The following ID2 variants were observed in gnomAD, a reference collection of about 807,000 sequenced individuals.
ID2 encodes the protein inhibitor of DNA binding 2.
ID2 carries 2 observed loss-of-function variants against 8.3 expected under a neutral mutation model. The observed-to-expected ratio is 0.24, with a 90% confidence interval of 0.10 to 0.76. The LOEUF (loss-of-function observed/expected upper bound fraction) is 0.76, where lower values mean the gene tolerates loss of function less well. Among genes scored for constraint, ID2 ranks in the 30% least tolerant of loss-of-function variants. The pLI, the probability that ID2 is intolerant of heterozygous loss-of-function variation, is 0.73. For missense variants in ID2, 155 were observed against 167.0 expected, an observed-to-expected ratio of 0.93 and a Z score of 0.40; for synonymous variants, 112 against 72.3, an observed-to-expected ratio of 1.55 and a Z score of -2.79.
At chr2:8,683,001 T>C in intron 2 of ID2, 95 bp downstream of exon 2, 1 of 932,002 alleles carries the variant, frequency 1.1e-6, no homozygotes, top group Non-Finnish European at 1.8e-6. Context: ...ATAAAATGTC[T>C]GATTTGGTAA....
At position 8,682,159 on chromosome 2, in the gene ID2, G is replaced by A. The variant is rs914634313; in HGVS notation, c.-7G>A. The stretch of plus-strand genomic sequence containing the variant: ...CCCTCCCGGTCTCGCCTTCCCTCGC[G>A]GTCAGCATGAAAGCCTTCAGTCCCG... On this transcript the variant is annotated 5_prime_UTR_variant, in exon 1 of 3. Transcript: ENST00000396290. 7 of 1,609,024 alleles carry A rather than the reference G, an allele frequency of 4.4e-6. No individual in the cohort carries two copies. Among genetic ancestry groups the A allele is most frequent in the Non-Finnish European group, 5.9e-6 (7 of 1,177,072 alleles).
In ID2 at chr2:8,682,074, TGCCAAGCGCA is replaced by T; in HGVS notation, c.-89_-80del. On this transcript the variant is annotated 5_prime_UTR_variant, in exon 1 of 3. Coordinates refer to ENST00000396290, the MANE Select transcript of ID2 (RefSeq NM_002166.5). ...GGGCTTCATTCTGAGCCGAGCCCGGTGCCAAGCGCAGCTAGCTCAGCAGGCGGCAGCGGCG... is the reference window on the plus strand; with the variant it reads ...GGGCTTCATTCTGAGCCGAGCCCGGTGCTAGCTCAGCAGGCGGCAGCGGCG... 3 of 1,014,888 alleles carry T rather than the reference TGCCAAGCGCA, an allele frequency of 3.0e-6. No homozygotes were observed. The highest frequency in any genetic ancestry group is 4.4e-6 in the Non-Finnish European group (3 of 680,880). The allele number at this position is 1,014,888 out of a possible 1,614,324, so 62.9% of individuals were successfully genotyped here.
rs376944573 is a variant in ID2 at position 8,682,160 on chromosome 2, G to A, written c.-6G>A. 38 of 1,609,576 alleles carry A rather than the reference G, an allele frequency of 2.4e-5. No homozygotes were observed. Among genetic ancestry groups the A allele is most frequent in the Non-Finnish European group, 3.1e-5 (37 of 1,177,540 alleles). ...CCTCCCGGTCTCGCCTTCCCTCGCG[G>A]TCAGCATGAAAGCCTTCAGTCCCGT... On this transcript the variant is annotated 5_prime_UTR_variant, in exon 1 of 3. Transcript: ENST00000396290.
In ID2 at chr2:8,682,828, C is replaced by T. The variant is rs374872738; in HGVS notation, c.349-15C>T. On this transcript the variant is annotated splice_polypyrimidine_tract_variant and intron_variant, in intron 1 of 2. Coordinates refer to ENST00000396290, the MANE Select transcript of ID2 (RefSeq NM_002166.5). ...ATTGTCTTAACCTCGTACTCTTTAT[C>T]CTCTTTCTTTCCAGGCTTCTGAATT... The T allele has an allele frequency of 1.1e-4, 173 of 1,573,254 alleles. No individual in the cohort carries two copies. The highest frequency in any genetic ancestry group is 5.0e-4 in the Middle Eastern group (3 of 6,016).
chr2:8,682,764 A>G, intron 1 of ID2, 79 bp from the exon 2 acceptor site: 3 of 390,978 alleles, frequency 7.7e-6, no homozygotes, highest in Non-Finnish European at 7.3e-6. Context: ...GTGGACTACA[A>G]AAAAAAAAAA....
rs1308932479 is a variant in ID2 at position 8,683,673 on chromosome 2, A to T, written c.*8-12A>T. ...TCTCTTAAACATGCCTTTCTCCCCC[A>T]CTCTTTCGCAGGTGTTCATGATTTC... On this transcript the variant is annotated splice_polypyrimidine_tract_variant and intron_variant, in intron 2 of 2. Transcript: ENST00000396290. 6.6e-6 allele frequency: 1 copy of T among 151,882 alleles called. No homozygotes were observed. The highest frequency in any genetic ancestry group is 1.5e-5 in the Non-Finnish European group (1 of 67,940). 9.4% of individuals were successfully genotyped at this position (151,882 alleles called of 1,614,324 possible). A position where few individuals can be genotyped will look rare whatever the true frequency, so the allele number is the denominator to read the frequency against.
intron 1 of ID2, 129 bp downstream of exon 1, chr2:8,682,642 C>T (rs950972506): frequency 1.1e-5 from 8 of 744,464 alleles, no homozygotes; most frequent in Admixed American, 2.7e-5. Context: ...TCTTCAGAAT[C>T]TGCTGTAGAT....
rs1384922432 is a variant in ID2 at position 8,682,774 on chromosome 2, A to C, written c.349-69A>C. On this transcript the variant is annotated intron_variant, in intron 1 of 2. Transcript: ENST00000396290. ...GGTCTGTGGACTACAAAAAAAAAAA[A>C]AAAAAAAAAAAAACCCTTTCTACTT... is the stretch of plus-strand genomic sequence containing the variant. 1.1e-4 allele frequency: 128 copies of C among 1,136,236 alleles called. 2 individuals carry two copies. The highest frequency in any genetic ancestry group is 2.2e-4 in the Middle Eastern group (1 of 4,502). 70.4% of individuals were successfully genotyped at this position (1,136,236 alleles called of 1,614,324 possible).
In ID2 at chr2:8,682,256, G is replaced by C; in HGVS notation, c.91G>C (p.Asp31His). ...CTCCCGGAGCAAAACCCCTGTGGACGACCCGATGAGCCTGCTATACAACAT... is the reference window on the plus strand; with the variant it reads ...CTCCCGGAGCAAAACCCCTGTGGACCACCCGATGAGCCTGCTATACAACAT... ...GISRSKTPVD[D>H]PMSLLYNMND... The change falls in exon 1 of 3, where the codon GAC (aspartate) becomes CAC (histidine). Residue 31 changes from aspartate (D) to histidine (H), a missense_variant. This residue lies in a region of ID2 where 73 missense variants were observed against 72.2 expected (regional missense o/e 1.01). Coordinates refer to ENST00000396290, the MANE Select transcript of ID2 (RefSeq NM_002166.5). 1 of 1,614,106 alleles carries C rather than the reference G, an allele frequency of 6.2e-7. No individual in the cohort carries two copies. Among genetic ancestry groups the C allele is most frequent in the Non-Finnish European group, 8.5e-7 (1 of 1,180,030 alleles).
chr2:8,682,689 G>A, intron 1 of ID2, 154 bp from the exon 2 acceptor site: 2 of 695,872 alleles, frequency 2.9e-6, no homozygotes, highest in Non-Finnish European at 2.4e-6. Flanking sequence ...GTTCTGACAT[G>A]TTAATGCGTC....
rs969462019 is a variant in ID2, at chr2:8,684,345, G to A, written c.*668G>A. ...GGTGATTGCCTGCTTTATTTCAGAG[G>A]ACCAGTGCTTTGATTTTTATTATGC... is the stretch of plus-strand genomic sequence containing the variant. On this transcript the variant is annotated 3_prime_UTR_variant, in exon 3 of 3. Transcript: ENST00000396290. 3.3e-5 allele frequency: 5 copies of A among 152,358 alleles called. No homozygotes were observed. The highest frequency in any genetic ancestry group is 7.4e-5 in the Non-Finnish European group (5 of 68,002). The allele number at this position is 152,358 out of a possible 1,614,324, so 9.4% of individuals were successfully genotyped here.
chr2:8,682,534 C>T, intron 1 of ID2, 21 bp downstream of exon 1: 1 of 1,566,684 alleles, frequency 6.4e-7, no homozygotes, highest in Non-Finnish European at 8.8e-7. Flanking sequence ...CTCCGGGGTC[C>T]CCGCCCCGCC....
chr2:8,683,047 T>C (rs1028242335), intron 2 of ID2, 141 bp downstream of exon 2: 6 of 708,670 alleles, frequency 8.5e-6, no homozygotes, highest in East Asian at 2.5e-5. Flanking sequence ...CCGTACTACA[T>C]TGTCTCACTA....
intron 2 of ID2, among the ~76,000 whole-genome samples, chr2:8,683,277 C>T (rs1662142802): frequency 2.0e-5 from 3 of 152,198 alleles, no homozygotes; most frequent in African/African-American, 7.2e-5. Context: ...TAGTGATCCT[C>T]CTTCCCTAAA....
In ID2 at chr2:8,682,109, G is replaced by A. The variant is rs1386784200; in HGVS notation, c.-57G>A. The A allele has an allele frequency of 2.6e-5, 36 of 1,394,826 alleles. No homozygotes were observed. Among genetic ancestry groups the A allele is most frequent in the Non-Finnish European group, 4.0e-6 (4 of 1,000,166 alleles). The allele number at this position is 1,394,826 out of a possible 1,614,324, so 86.4% of individuals were successfully genotyped here. A position where few individuals can be genotyped will look rare whatever the true frequency, so the allele number is the denominator to read the frequency against. ...AGCTAGCTCAGCAGGCGGCAGCGGC[G>A]GCCTGAGCTTCAGGGCAGCCAGCTC... On this transcript the variant is annotated 5_prime_UTR_variant, in exon 1 of 3. Coordinates refer to ENST00000396290, the MANE Select transcript of ID2 (RefSeq NM_002166.5).
Position 8,682,224 on chromosome 2 carries a change from T to C in ID2, c.59T>C (p.Leu20Pro), listed in dbSNP as rs1364571475. ...VRKNSLSDHS[L>P]GISRSKTPVD... The stretch of plus-strand genomic sequence containing the variant: ...AAAAACAGCCTGTCGGACCACAGCC[T>C]GGGCATCTCCCGGAGCAAAACCCCT... The change falls in exon 1 of 3, where the codon CTG (leucine) becomes CCG (proline). Residue 20 changes from leucine (L) to proline (P), a missense_variant. Physicochemically the swap from Leu to Pro is moderately conservative, Grantham distance 98. Around this residue, in one of 3 missense-constraint regions of ID2, gnomAD observed 73 missense variants for 72.2 expected, o/e 1.01. Transcript: ENST00000396290. 6.2e-7 allele frequency: 1 copy of C among 1,614,056 alleles called. No individual in the cohort carries two copies. The highest frequency in any genetic ancestry group is 1.7e-5 in the Admixed American group (1 of 60,032).
In ID2 at chr2:8,682,829, C is replaced by T. The variant is rs554610277; in HGVS notation, c.349-14C>T. The stretch of plus-strand genomic sequence containing the variant: ...TTGTCTTAACCTCGTACTCTTTATC[C>T]TCTTTCTTTCCAGGCTTCTGAATTC... On this transcript the variant is annotated splice_polypyrimidine_tract_variant and intron_variant, in intron 1 of 2. Transcript: ENST00000396290. The T allele has an allele frequency of 3.8e-6, 6 of 1,593,916 alleles. No individual in the cohort carries two copies. Among genetic ancestry groups the T allele is most frequent in the South Asian group, 3.3e-5 (3 of 90,676 alleles).
In ID2 at chr2:8,683,862, TCTTA is replaced by T. The variant is rs1662172801; in HGVS notation, c.*189_*192del. Reference sequence around the variant, plus strand: ...GAATGATCATCTTCCCAGGGTGTTCTCTTACTTGGACTGTGATATTCGTTATTTA... The same window carrying T: ...GAATGATCATCTTCCCAGGGTGTTCTCTTGGACTGTGATATTCGTTATTTA... On this transcript the variant is annotated 3_prime_UTR_variant, in exon 3 of 3. Coordinates refer to ENST00000396290, the MANE Select transcript of ID2 (RefSeq NM_002166.5). 6.6e-6 allele frequency: 1 copy of T among 152,576 alleles called. No individual in the cohort carries two copies. The highest frequency in any genetic ancestry group is 2.1e-4 in the South Asian group (1 of 4,836). 9.5% of individuals were successfully genotyped at this position (152,576 alleles called of 1,614,324 possible).
In ID2 at chr2:8,682,416, C is replaced by T. The variant is rs777047997; in HGVS notation, c.251C>T (p.Thr84Ile). 1.2e-6 allele frequency: 2 copies of T among 1,613,872 alleles called. No homozygotes were observed. Among genetic ancestry groups the T allele is most frequent in the Non-Finnish European group, 1.7e-6 (2 of 1,180,030 alleles). Reference sequence around the variant, plus strand: ...CAGATCGCCCTGGACTCGCATCCCACTATTGTCAGCCTGCATCACCAGAGA... The same window carrying T: ...CAGATCGCCCTGGACTCGCATCCCATTATTGTCAGCCTGCATCACCAGAGA... ...DLQIALDSHP[T>I]IVSLHHQRPG... Residue 84 changes from threonine (T) to isoleucine (I), a missense_variant, in exon 1 of 3, where the codon ACT (threonine) becomes ATT (isoleucine). Thr to Ile is a moderately conservative substitution (Grantham distance 89). Transcript: ENST00000396290.
Sources: gnomAD v4.1 joint callset for allele counts (sites outside exome capture counted in the v4.1 genomes callset) on GRCh38, gnomAD v4.1.1 for gene constraint, gnomAD v4.1.1 regional missense constraint, MANE v1.5 for transcripts, NCBI Gene and HGNC (gene_info 2026-07-23, HGNC 2026-07-21) for gene names.